TRAPPC9: variants seen among roughly 807,000 people sequenced by gnomAD.
The protein encoded by TRAPPC9 is IKK2 binding protein.
Under a neutral mutation model 124.0 loss-of-function variants are expected in TRAPPC9, and 83 were observed. That is an observed-to-expected ratio of 0.67 (90% CI 0.56 to 0.80). The LOEUF is 0.80. TRAPPC9 is among the 30% of genes least tolerant of loss of function. The probability of loss-of-function intolerance (pLI) is 0.00; values close to 1 mark genes in which losing one functional copy is unlikely to be tolerated. For missense variants in TRAPPC9, 1,302 were observed against 1,508.3 expected (o/e 0.86, Z 2.27); for synonymous variants, 638 against 617.5 (o/e 1.03, Z -0.49).
At chr8:140,262,619 A>G (rs1021524717) in intron 15 of TRAPPC9, 1 of 152,122 alleles carries the variant, frequency 6.6e-6, no homozygotes, top group Non-Finnish European at 1.5e-5. Context: ...TGGTTAGTCA[A>G]CATGCAGTAG....
chr8:139,976,843 C>T (rs1006242232), intron 19 of TRAPPC9, among the ~76,000 whole-genome samples: 1 of 152,208 alleles, frequency 6.6e-6, no homozygotes, highest in African/African-American at 2.4e-5. Context: ...AGGATGCTGC[C>T]TGTTCACCTC....
At chr8:140,068,678 A>G (rs1842993946) in intron 17 of TRAPPC9, among the ~76,000 whole-genome samples, 1 of 152,202 alleles carries the variant, frequency 6.6e-6, no homozygotes, top group African/African-American at 2.4e-5. Flanking sequence ...TAATTCATCC[A>G]TTTGTATTTT....
At chr8:140,100,502 G>A (rs2060558128) in intron 17 of TRAPPC9, 1 of 152,270 alleles carries the variant, frequency 6.6e-6, no homozygotes, top group African/African-American at 2.4e-5. Context: ...GCGTAGTAAG[G>A]ACGCCTGCCC....
intron 14 of TRAPPC9, among the ~76,000 whole-genome samples, chr8:140,276,303 A>C (rs1261063295): frequency 1.3e-5 from 2 of 152,194 alleles, no homozygotes; most frequent in African/African-American, 2.4e-5. Context: ...AGGAAACAGA[A>C]GCTGTCCCAC....
chr8:140,149,277 G>A (rs1195048273), intron 17 of TRAPPC9, among the ~76,000 whole-genome samples: 1 of 152,154 alleles, frequency 6.6e-6, no homozygotes, highest in Non-Finnish European at 1.5e-5. Context: ...GGACCAGGAA[G>A]TTCAAAAACA....
chr8:140,128,496 G>A (rs1013284687), intron 17 of TRAPPC9, among the ~76,000 whole-genome samples: 4 of 152,136 alleles, frequency 2.6e-5, no homozygotes, highest in Admixed American at 1.3e-4. Context: ...CAAAGGCTAG[G>A]GTATAAACTG....
At chr8:139,943,373 G>T (rs988148545) in intron 19 of TRAPPC9, among the ~76,000 whole-genome samples, 2 of 152,152 alleles carry the variant, frequency 1.3e-5, no homozygotes, top group Non-Finnish European at 2.9e-5. Flanking sequence ...AGCCGAGGTG[G>T]AGTTTTCAAT....
chr8:139,767,598 A>C (rs1179709382), intron 21 of TRAPPC9, among the ~76,000 whole-genome samples: 3 of 152,214 alleles, frequency 2.0e-5, no homozygotes, highest in African/African-American at 7.2e-5. Context: ...CAGATGAACC[A>C]AGGTGCAGAG....
intron 12 of TRAPPC9, among the ~76,000 whole-genome samples, chr8:140,290,106 C>T (rs751332048): frequency 1.3e-5 from 2 of 152,198 alleles, no homozygotes; most frequent in Non-Finnish European, 2.9e-5. Flanking sequence ...ACCTCATGCA[C>T]CCCAACAGAG....
chr8:139,782,366 C>T (rs540009745), intron 21 of TRAPPC9, among the ~76,000 whole-genome samples: 1 of 152,104 alleles, frequency 6.6e-6, no homozygotes, highest in East Asian at 1.9e-4. Flanking sequence ...GCCACAGGGG[C>T]CCCGCTCCCA....
intron 6 of TRAPPC9, 62 bp from the exon 7 acceptor site, chr8:140,397,807 A>G: frequency 1.2e-6 from 2 of 1,605,098 alleles, no homozygotes; most frequent in African/African-American, 1.3e-5. Context: ...GTCACATTCT[A>G]AAGGCTGTGC....
intron 17 of TRAPPC9, among the ~76,000 whole-genome samples, chr8:140,215,247 G>A (rs1395051672): frequency 1.3e-5 from 2 of 152,256 alleles, no homozygotes; most frequent in Non-Finnish European, 2.9e-5. Flanking sequence ...CCTTCCGTGG[G>A]TGGCACAGCA....
intron 21 of TRAPPC9, among the ~76,000 whole-genome samples, chr8:139,748,807 C>G (rs896624284): frequency 1.3e-5 from 2 of 152,056 alleles, no homozygotes; most frequent in East Asian, 3.9e-4. Flanking sequence ...GGCAGGGGGC[C>G]GCCTCCACTA....
chr8:140,145,686 T>C (rs903251947), intron 17 of TRAPPC9, among the ~76,000 whole-genome samples: 27 of 152,210 alleles, frequency 1.8e-4, no homozygotes, highest in African/African-American at 6.5e-4. Flanking sequence ...ATATTTCACT[T>C]AGTTTTTTTG....
intron 17 of TRAPPC9, among the ~76,000 whole-genome samples, chr8:140,148,775 T>C (rs919804881): frequency 7.2e-5 from 11 of 152,112 alleles, no homozygotes; most frequent in Non-Finnish European, 1.3e-4. Flanking sequence ...TAAAAAACAT[T>C]TTGGGGACTA....
At chr8:140,458,180 G>A (rs1205291432), upstream of TRAPPC9, 2 of 1,546,608 alleles carry the variant, frequency 1.3e-6, no homozygotes, top group Non-Finnish European at 1.7e-6. Flanking sequence ...GAGCGAGGAG[G>A]GAGGGAGGGA....
intron 19 of TRAPPC9, among the ~76,000 whole-genome samples, chr8:139,939,865 C>T (rs1004570126): frequency 6.6e-6 from 1 of 152,192 alleles, no homozygotes. Flanking sequence ...GGTGCAGAGG[C>T]AGGTGCAGGT....
intron 17 of TRAPPC9, among the ~76,000 whole-genome samples, chr8:140,065,678 G>A (rs1208424021): frequency 6.6e-6 from 1 of 152,192 alleles, no homozygotes; most frequent in Non-Finnish European, 1.5e-5. Flanking sequence ...TTTATAGCAT[G>A]GTTTCCTGAA....
chr8:139,840,232 C>T (rs1826636376), intron 21 of TRAPPC9, among the ~76,000 whole-genome samples: 1 of 152,226 alleles, frequency 6.6e-6, no homozygotes, highest in Non-Finnish European at 1.5e-5. Context: ...GCCTCCCCTG[C>T]AGGGAGGTGG....
Sources: allele counts gnomAD v4.1 joint callset (sites outside exome capture counted in the v4.1 genomes callset), GRCh38; gene constraint gnomAD v4.1.1; transcripts MANE v1.5; gene names NCBI Gene and HGNC (gene_info 2026-07-23, HGNC 2026-07-21).